Variants in AFF3 observed in about 807,000 individuals in gnomAD.
The protein encoded by AFF3 is AF4/FMR2 family member 3.
A neutral mutation model predicts 129.7 loss-of-function variants in AFF3; 32 were observed. That is an observed-to-expected ratio of 0.25 (90% CI 0.19 to 0.33). AFF3 has a LOEUF of 0.33. AFF3 is among the 10% of genes least tolerant of loss of function. AFF3 has a pLI of 1.00. For synonymous variants in AFF3, 644 were observed against 635.4 expected (o/e 1.01, Z -0.20); for missense variants, 1,373 against 1,592.0 (o/e 0.86, Z 2.34).
intron 11 of AFF3, among the ~76,000 whole-genome samples, chr2:99,673,894 C>T (rs1420390212): frequency 6.6e-6 from 1 of 152,186 alleles, no homozygotes; most frequent in Admixed American, 6.5e-5. Context: ...CGCACCCTGA[C>T]CCCATTTCCC....
At chr2:99,586,203 T>C (rs527339067) in intron 16 of AFF3, among the ~76,000 whole-genome samples, 4 of 152,322 alleles carry the variant, frequency 2.6e-5, no homozygotes, top group African/African-American at 9.6e-5. Context: ...TTTCCCCATT[T>C]CCCCTTTCCC....
At chr2:99,880,234 A>G (rs966156010) in intron 7 of AFF3, among the ~76,000 whole-genome samples, 1 of 152,228 alleles carries the variant, frequency 6.6e-6, no homozygotes, top group Non-Finnish European at 1.5e-5. Context: ...AATGACAACG[A>G]AACATTTGTA....
intron 7 of AFF3, among the ~76,000 whole-genome samples, chr2:99,943,483 A>G (rs1484380642): frequency 1.3e-5 from 2 of 152,208 alleles, no homozygotes; most frequent in Admixed American, 6.5e-5. Context: ...CTGATTTTCA[A>G]TGAATGGTGG....
intron 7 of AFF3, among the ~76,000 whole-genome samples, chr2:99,941,380 C>T (rs115910715): frequency 5.9e-5 from 9 of 152,270 alleles, no homozygotes; most frequent in South Asian, 2.1e-4. Flanking sequence ...TGATGTACCA[C>T]GCTACTGTTA....
At chr2:99,753,107 T>A (rs1681801541) in intron 8 of AFF3, among the ~76,000 whole-genome samples, 1 of 152,116 alleles carries the variant, frequency 6.6e-6, no homozygotes, top group African/African-American at 2.4e-5. Flanking sequence ...ATTATTATTA[T>A]TATTATTTTT....
intron 7 of AFF3, among the ~76,000 whole-genome samples, chr2:99,882,446 G>A (rs193146585): frequency 2.0e-5 from 3 of 152,310 alleles, no homozygotes; most frequent in East Asian, 3.9e-4. Context: ...CAGAAGCCTG[G>A]GGGGTCCTGC....
chr2:99,843,186 T>C (rs1357759553), intron 7 of AFF3, among the ~76,000 whole-genome samples: 3 of 152,238 alleles, frequency 2.0e-5, no homozygotes, highest in Non-Finnish European at 4.4e-5. Context: ...GGGACCATCA[T>C]AATTCCATGG....
In AFF3 at chr2:99,933,305, T is replaced by C. The variant is rs77334439; in HGVS notation, c.873+73327A>G. 8.7e-4 allele frequency among the ~76,000 whole-genome samples: 133 copies of C among 152,268 alleles called. 1 individual carries two copies. The East Asian group carries it at 0.024, about 27-fold the overall frequency. ...AAGCAAGGGGCTTAAACTTGAGACA[T>C]AGTATTTAGCTTAAGAATTGGAAAG... On this transcript the variant is annotated intron_variant, in intron 7 of 24. Coordinates refer to ENST00000672756, the MANE Select transcript of AFF3 (RefSeq NM_001386135.1).
chr2:99,611,160 A>G (rs1459301364), intron 13 of AFF3, among the ~76,000 whole-genome samples: 2 of 151,472 alleles, frequency 1.3e-5, no homozygotes, highest in African/African-American at 4.9e-5. Flanking sequence ...TTTTCCTTGT[A>G]TTTTCTGTAT....
intron 8 of AFF3, among the ~76,000 whole-genome samples, chr2:99,757,135 C>A (rs10168394): frequency 0.019 from 2,841 of 152,198 alleles, 80 homozygotes; most frequent in African/African-American, 0.064. Flanking sequence ...TTGTGTTCAG[C>A]CTTCCTCTCA....
chr2:99,716,652 G>T (rs1678418445), intron 11 of AFF3, among the ~76,000 whole-genome samples: 1 of 152,010 alleles, frequency 6.6e-6, no homozygotes, highest in South Asian at 2.1e-4. Flanking sequence ...GGAGGCCAAG[G>T]TGGGCGGATC....
intron 7 of AFF3, among the ~76,000 whole-genome samples, chr2:99,909,047 C>T (rs375987576): frequency 2.0e-5 from 3 of 151,984 alleles, no homozygotes; most frequent in South Asian, 2.1e-4. Context: ...CGTATGTTTA[C>T]TGTGGCACTA....
At chr2:99,713,267 AATTT>A (rs1334694504) in intron 11 of AFF3, among the ~76,000 whole-genome samples, 65 of 109,926 alleles carry the variant, frequency 5.9e-4, no homozygotes, top group African/African-American at 2.0e-3. Flanking sequence ...TGCCAGAGTT[AATTT>A]TTTTTTTTTT....
chr2:99,614,478 G>A lies in AFF3; in HGVS notation c.1185-12857C>T, dbSNP rs114851776. Among the ~76,000 whole-genome samples, 608 of 152,326 alleles carry A rather than the reference G, an allele frequency of 4.0e-3. 1 individual carries two copies. The highest frequency in any genetic ancestry group is 6.8e-3 in the Non-Finnish European group (465 of 68,038). Reference sequence around the variant, plus strand: ...ACTTCCAATTTAAGAACAGTGTTGAGACACAAGGCTTGATCCCCAATTTGA... The same window carrying A: ...ACTTCCAATTTAAGAACAGTGTTGAAACACAAGGCTTGATCCCCAATTTGA... On this transcript the variant is annotated intron_variant, in intron 13 of 24. Transcript: ENST00000672756.
intron 11 of AFF3, among the ~76,000 whole-genome samples, chr2:99,677,019 AGTATTTTGGGAG>A (rs1170117657): frequency 6.6e-6 from 1 of 152,210 alleles, no homozygotes; most frequent in South Asian, 2.1e-4. Context: ...CTGTAATCCC[AGTATTTTGGGAG>A]GCCAAGGCTG....
chr2:100,125,308 C>T (rs1319829409), intron 2 of AFF3, among the ~76,000 whole-genome samples: 2 of 151,910 alleles, frequency 1.3e-5, no homozygotes, highest in African/African-American at 4.8e-5. Flanking sequence ...CCTCAATTTT[C>T]ATATTATGGA....
At position 99,807,117 on chromosome 2, in the gene AFF3, C is replaced by G. The variant is rs963487790; in HGVS notation, c.921+30360G>C. Among the ~76,000 whole-genome samples the G allele has an allele frequency of 5.3e-5, 8 of 152,146 alleles. No individual in the cohort carries two copies. In the East Asian group the frequency reaches 1.3e-3, roughly 26 times the overall value. On this transcript the variant is annotated intron_variant, in intron 8 of 24. Transcript: ENST00000672756. ...TATCCCTTGCATTCATCAACAGATA[C>G]CGAGAGAAAGTTGCTGTTCCCATGT...
chr2:99,714,338 T>C (rs986791678), intron 11 of AFF3, among the ~76,000 whole-genome samples: 2 of 152,172 alleles, frequency 1.3e-5, no homozygotes, highest in African/African-American at 4.8e-5. Flanking sequence ...TCCAGTCTAA[T>C]TTGTGATTCT....
In AFF3 at chr2:99,986,025, C is replaced by T. The variant is rs189273806; in HGVS notation, c.873+20607G>A. Among the ~76,000 whole-genome samples, 1,389 of 151,748 alleles carry T rather than the reference C, an allele frequency of 9.2e-3. 10 individuals are homozygous for T. The highest frequency in any genetic ancestry group is 0.014 in the Admixed American group (206 of 15,226). On this transcript the variant is annotated intron_variant, in intron 7 of 24. Transcript: ENST00000672756. ...ACCATCCTGGCTAACATGGTGAAACCCCGTCTCTGCTAAAAATACAAAAAA... is the reference window on the plus strand; with the variant it reads ...ACCATCCTGGCTAACATGGTGAAACTCCGTCTCTGCTAAAAATACAAAAAA...
Sources: allele counts gnomAD v4.1 joint callset (sites outside exome capture counted in the v4.1 genomes callset), GRCh38; gene constraint gnomAD v4.1.1; transcripts MANE v1.5; gene names NCBI Gene and HGNC (gene_info 2026-07-23, HGNC 2026-07-21).